FSTL1: variants seen among roughly 807,000 people sequenced by gnomAD.
FSTL1 encodes the protein follistatin-related protein 1.
A neutral mutation model predicts 45.9 loss-of-function variants in FSTL1; 24 were observed. The ratio of observed to expected loss-of-function variants is 0.52; its 90% confidence interval spans 0.38 to 0.74. The LOEUF is 0.74. FSTL1 is among the 30% of genes least tolerant of loss of function. The probability of loss-of-function intolerance (pLI) is 0.00; values close to 1 mark genes in which losing one functional copy is unlikely to be tolerated. For synonymous variants in FSTL1, 120 were observed against 137.6 expected, an observed-to-expected ratio of 0.87 and a Z score of 0.89; for missense variants, 340 against 381.8, an observed-to-expected ratio of 0.89 and a Z score of 0.91.
intron 10 of FSTL1, 72 bp downstream of exon 10, chr3:120,399,811 G>A (rs1936782056): frequency 4.2e-6 from 4 of 963,064 alleles, no homozygotes; most frequent in Non-Finnish European, 6.6e-6. Flanking sequence ...CTGGGGCACT[G>A]GGCAGTGTTT....
chr3:120,446,871 C>G (rs1937754968), intron 2 of FSTL1, among the ~76,000 whole-genome samples: 1 of 152,138 alleles, frequency 6.6e-6, no homozygotes, highest in Admixed American at 6.5e-5. Flanking sequence ...TGCTATTGTT[C>G]TCTCTTAGGT....
intron 2 of FSTL1, among the ~76,000 whole-genome samples, chr3:120,442,030 G>A (rs1329310869): frequency 1.3e-5 from 2 of 152,190 alleles, no homozygotes; most frequent in African/African-American, 4.8e-5. Context: ...CAAAGGCTGT[G>A]CAAATAAAGA....
Position 120,394,327 on chromosome 3 carries a change from G to A in FSTL1, c.*2625C>T, listed in dbSNP as rs1222818705. 1 of 152,170 alleles carries A rather than the reference G, an allele frequency of 6.6e-6. No individual in the cohort carries two copies. Among genetic ancestry groups the A allele is most frequent in the African/African-American group, 2.4e-5 (1 of 41,452 alleles). 9.4% of individuals were successfully genotyped at this position (152,170 alleles called of 1,614,324 possible). On this transcript the variant is annotated 3_prime_UTR_variant, in exon 11 of 11. Coordinates refer to ENST00000295633, the MANE Select transcript of FSTL1 (RefSeq NM_007085.5). ...AATAGTATCCGAAAAGGAAGAATCA[G>A]GAGTTACAAAAACAAGTTAAATGCA...
intron 2 of FSTL1, chr3:120,441,307 T>C (rs1012829747): frequency 6.6e-6 from 1 of 152,240 alleles, no homozygotes; most frequent in Non-Finnish European, 1.5e-5. Flanking sequence ...TTCCCAGTTA[T>C]TTCCATTCAC....
At chr3:120,411,269 G>A (rs997398727) in intron 4 of FSTL1, 1 of 334,370 alleles carries the variant, frequency 3.0e-6, no homozygotes, top group African/African-American at 2.1e-5. Context: ...TTCAAATGGA[G>A]AATCATTCTG....
At chr3:120,403,593 T>C (rs893131978) in intron 7 of FSTL1, among the ~76,000 whole-genome samples, 2 of 151,836 alleles carry the variant, frequency 1.3e-5, no homozygotes, top group African/African-American at 2.4e-5. Flanking sequence ...GTCCAAATGT[T>C]CCCCCCCTTA....
At chr3:120,399,766 G>A (rs1936781224) in intron 10 of FSTL1, 117 bp downstream of exon 10, 2 of 679,570 alleles carry the variant, frequency 2.9e-6, no homozygotes, top group Non-Finnish European at 5.3e-6. Context: ...CACTCAAGAT[G>A]TACTGTATTG....
rs1937419733 is a variant in FSTL1 at position 120,428,368 on chromosome 3, T to C, written c.64-12341A>G. The stretch of plus-strand genomic sequence containing the variant: ...GTGGAGGCTGGGGGGATAGTAGGGA[T>C]GTCAGGGTTGACTGAAACAAAATGG... On this transcript the variant is annotated intron_variant, in intron 2 of 10. Transcript: ENST00000295633. 2.6e-5 allele frequency among the ~76,000 whole-genome samples: 4 copies of C among 152,280 alleles called. No individual in the cohort carries two copies. In the South Asian group the frequency reaches 8.3e-4, roughly 32 times the overall value.
chr3:120,416,934 A>G (rs181113314), intron 2 of FSTL1, among the ~76,000 whole-genome samples: 1 of 152,264 alleles, frequency 6.6e-6, no homozygotes, highest in East Asian at 1.9e-4. Context: ...CTTCCCTCCC[A>G]TTCACTGGTG....
At chr3:120,437,332 A>C (rs995298553) in intron 2 of FSTL1, among the ~76,000 whole-genome samples, 2 of 152,252 alleles carry the variant, frequency 1.3e-5, no homozygotes, top group Non-Finnish European at 2.9e-5. Context: ...GAATGAGTGA[A>C]TGAATGACAT....
chr3:120,440,050 C>A (rs111371875), intron 2 of FSTL1, among the ~76,000 whole-genome samples: 1,608 of 152,262 alleles, frequency 0.011, 19 homozygotes, highest in African/African-American at 0.037. Flanking sequence ...GATGTAGAGG[C>A]TGCAGTGAGC....
intron 2 of FSTL1, among the ~76,000 whole-genome samples, chr3:120,436,858 G>A (rs759113664): frequency 2.0e-5 from 3 of 152,140 alleles, no homozygotes; most frequent in Non-Finnish European, 4.4e-5. Flanking sequence ...TGCGTGCTCC[G>A]AGTATTTGTG....
chr3:120,430,171 A>G (rs1195538713), intron 2 of FSTL1, among the ~76,000 whole-genome samples: 1 of 152,144 alleles, frequency 6.6e-6, no homozygotes, highest in African/African-American at 2.4e-5. Context: ...CAGTTACAAA[A>G]TTGCAGGATG....
In FSTL1 at chr3:120,416,124, CT is replaced by C. The variant is rs371031538; in HGVS notation, c.64-98del. The C allele has an allele frequency of 2.2e-5, 21 of 938,680 alleles. No homozygotes were observed. The East Asian group carries it at 2.6e-4, about 12-fold the overall frequency. The allele number at this position is 938,680 out of a possible 1,614,324, so 58.1% of individuals were successfully genotyped here. A position where few individuals can be genotyped will look rare whatever the true frequency, so the allele number is the denominator to read the frequency against. ...TTATCTTTCAGGCTTGGGCTTTGCTCTGGAGTCATGGCTCATGGTCTTAAAC... is the reference window on the plus strand; with the variant it reads ...TTATCTTTCAGGCTTGGGCTTTGCTCGGAGTCATGGCTCATGGTCTTAAAC... On this transcript the variant is annotated intron_variant, in intron 2 of 10. Transcript: ENST00000295633.
chr3:120,431,893 T>C (rs894083404), intron 2 of FSTL1, among the ~76,000 whole-genome samples: 2 of 152,154 alleles, frequency 1.3e-5, no homozygotes, highest in Non-Finnish European at 1.5e-5. Context: ...CCTTCAAAAA[T>C]AGGCAGGCGT....
At chr3:120,433,786 G>A (rs537087270) in intron 2 of FSTL1, among the ~76,000 whole-genome samples, 3 of 152,298 alleles carry the variant, frequency 2.0e-5, no homozygotes, top group East Asian at 1.9e-4. Context: ...CAATTCAGAC[G>A]AAAGTAGAAA....
chr3:120,399,657 C>G (rs373753891), intron 10 of FSTL1, among the ~76,000 whole-genome samples: 79 of 152,312 alleles, frequency 5.2e-4, no homozygotes, highest in African/African-American at 1.8e-3. Context: ...AGCCACTCAC[C>G]GAGCTGTAAC....
chr3:120,403,915 C>T (rs1157852654), intron 7 of FSTL1, among the ~76,000 whole-genome samples: 4 of 77,864 alleles, frequency 5.1e-5, no homozygotes, highest in South Asian at 9.6e-4. Flanking sequence ...AGCGAGACTC[C>T]GTCTCAAAAA....
At position 120,425,646 on chromosome 3, in the gene FSTL1, C is replaced by G. The variant is rs192826855; in HGVS notation, c.64-9619G>C. Among the ~76,000 whole-genome samples the G allele has an allele frequency of 1.5e-3, 236 of 152,296 alleles. 1 individual carries two copies. The highest frequency in any genetic ancestry group is 2.9e-3 in the Non-Finnish European group (199 of 68,032). On this transcript the variant is annotated intron_variant, in intron 2 of 10. Transcript: ENST00000295633. ...ATTAATTAGAAAGCTCAGGAATTTA[C>G]CACTTCAGATGTTCCTGAATATCAA...
Sources: allele counts gnomAD v4.1 joint callset (sites outside exome capture counted in the v4.1 genomes callset), GRCh38; gene constraint gnomAD v4.1.1; transcripts MANE v1.5; gene names NCBI Gene and HGNC (gene_info 2026-07-23, HGNC 2026-07-21).